The following C7orf78 variants were observed in gnomAD, a reference collection of about 807,000 sequenced individuals.
The protein encoded by C7orf78 is putative uncharacterized protein C7orf78.
the C7orf78 span, chr7:12,507,259 G>C: frequency 7.0e-6 from 1 of 142,038 alleles, no homozygotes; most frequent in Non-Finnish European, 1.4e-5. Flanking sequence ...AGTGAGCCAA[G>C]ATCGTGCCAC....
At chr7:12,527,084 A>T in the C7orf78 span, among the ~76,000 whole-genome samples, 2 of 145,624 alleles carry the variant, frequency 1.4e-5, no homozygotes, top group African/African-American at 5.3e-5. Flanking sequence ...GTGTAATTGA[A>T]ATGGAACATG....
the C7orf78 span, among the ~76,000 whole-genome samples, chr7:12,521,091 T>C: frequency 5.3e-5 from 8 of 152,246 alleles, no homozygotes; most frequent in Admixed American, 3.3e-4. Flanking sequence ...CCCTTCATTT[T>C]CAGTCTATGT....
the C7orf78 span, among the ~76,000 whole-genome samples, chr7:12,503,952 A>G: frequency 6.6e-6 from 1 of 152,192 alleles, no homozygotes; most frequent in African/African-American, 2.4e-5. Flanking sequence ...TCTGAAAAAA[A>G]GAAAAAGGAA....
At chr7:12,535,579 CCAAT>C in the C7orf78 span, among the ~76,000 whole-genome samples, 1 of 152,172 alleles carries the variant, frequency 6.6e-6, no homozygotes, top group Non-Finnish European at 1.5e-5. Context: ...CATTTCAAAA[CCAAT>C]CATGTCTTCC....
the C7orf78 span, among the ~76,000 whole-genome samples, chr7:12,515,446 A>G: frequency 0.16 from 23,795 of 152,158 alleles, 2,874 homozygotes; most frequent in African/African-American, 0.34. Flanking sequence ...CCAGTCTCAG[A>G]TATGTCTTTA....
chr7:12,489,925 A>C, the C7orf78 span, among the ~76,000 whole-genome samples: 1 of 152,104 alleles, frequency 6.6e-6, no homozygotes, highest in South Asian at 2.1e-4. Flanking sequence ...GAAGACCCTG[A>C]GGGGATCTCT....
At chr7:12,538,102 A>G in the C7orf78 span, among the ~76,000 whole-genome samples, 14 of 152,308 alleles carry the variant, frequency 9.2e-5, no homozygotes, top group Non-Finnish European at 1.6e-4. Flanking sequence ...TCACTTTGTG[A>G]TAACTCCATA....
the C7orf78 span, among the ~76,000 whole-genome samples, chr7:12,526,480 C>T: frequency 6.6e-6 from 1 of 152,040 alleles, no homozygotes; most frequent in Admixed American, 6.6e-5. Context: ...GCTATATTTA[C>T]ATATTATAAT....
chr7:12,522,913 A>T, the C7orf78 span: 1 of 397,624 alleles, frequency 2.5e-6, no homozygotes, highest in East Asian at 3.6e-5. Context: ...TGGAGAGAAA[A>T]TGTTGAGTAC....
chr7:12,523,575 G>A, the C7orf78 span: 1 of 391,578 alleles, frequency 2.6e-6, no homozygotes, highest in Non-Finnish European at 4.5e-6. Flanking sequence ...TTTTTCTCAT[G>A]GTACAATACA....
At chr7:12,531,442 C>A in the C7orf78 span, among the ~76,000 whole-genome samples, 18 of 152,046 alleles carry the variant, frequency 1.2e-4, no homozygotes, top group African/African-American at 4.1e-4. Context: ...GAAATGAATT[C>A]AAATTAAGAG....
the C7orf78 span, chr7:12,522,845 T>C: frequency 2.5e-6 from 1 of 395,696 alleles, no homozygotes; most frequent in South Asian, 1.4e-4. Flanking sequence ...CCATACATAT[T>C]CCCTGTCATT....
chr7:12,516,293 A>G, the C7orf78 span, among the ~76,000 whole-genome samples: 1 of 152,240 alleles, frequency 6.6e-6, no homozygotes, highest in African/African-American at 2.4e-5. Flanking sequence ...GGCAGCTTTC[A>G]TATGGTGTTG....
chr7:12,529,900 G>A, the C7orf78 span, among the ~76,000 whole-genome samples: 1 of 152,218 alleles, frequency 6.6e-6, no homozygotes, highest in African/African-American at 2.4e-5. Flanking sequence ...CACAGCTCAG[G>A]GGCAGTTTTG....
the C7orf78 span, among the ~76,000 whole-genome samples, chr7:12,503,228 T>C: frequency 4.5e-4 from 60 of 132,966 alleles, no homozygotes; most frequent in African/African-American, 1.7e-3. Flanking sequence ...AAACTTAAAG[T>C]ATAATAATAA....
At chr7:12,488,879 A>G in the C7orf78 span, among the ~76,000 whole-genome samples, 1 of 151,052 alleles carries the variant, frequency 6.6e-6, no homozygotes, top group Non-Finnish European at 1.5e-5. Flanking sequence ...AATTAATCTT[A>G]ATTAAATCAA....
At chr7:12,518,601 G>A in the C7orf78 span, among the ~76,000 whole-genome samples, 1 of 152,292 alleles carries the variant, frequency 6.6e-6, no homozygotes, top group East Asian at 1.9e-4. Context: ...CCCATCTTCA[G>A]GTTCCTAGGG....
the C7orf78 span, among the ~76,000 whole-genome samples, chr7:12,502,820 C>G: frequency 7.7e-6 from 1 of 130,314 alleles, no homozygotes; most frequent in Non-Finnish European, 1.6e-5. Flanking sequence ...ATAGCAAAGA[C>G]TTGGAACCAA....
chr7:12,502,639 T>A, the C7orf78 span, among the ~76,000 whole-genome samples: 1 of 152,022 alleles, frequency 6.6e-6, no homozygotes, highest in East Asian at 1.9e-4. Context: ...TTGGTGGGAC[T>A]GTAAACTAGT....
Sources: gnomAD v4.1 joint callset for allele counts (sites outside exome capture counted in the v4.1 genomes callset) on GRCh38, gnomAD v4.1.1 for gene constraint, MANE v1.5 for transcripts, NCBI Gene and HGNC (gene_info 2026-07-23, HGNC 2026-07-21) for gene names.